The following FNDC3A variants were observed in gnomAD, a reference collection of about 807,000 sequenced individuals.
The protein encoded by FNDC3A is fibronectin type-III domain-containing protein 3A.
Under a neutral mutation model 148.9 loss-of-function variants are expected in FNDC3A, and 32 were observed. The observed-to-expected ratio is 0.21, with a 90% CI of 0.16 to 0.29. The LOEUF (loss-of-function observed/expected upper bound fraction) is 0.29, where lower values mean the gene tolerates loss of function less well. Ranked by LOEUF, FNDC3A falls within the 10% of genes least tolerant of loss-of-function variation. The pLI is 1.00. For synonymous variants in FNDC3A, 472 were observed against 473.6 expected (o/e 1.00, Z 0.04); for missense variants, 1,191 against 1,452.8 (o/e 0.82, Z 2.93).
intron 8 of FNDC3A, among the ~76,000 whole-genome samples, chr13:49,158,330 C>T (rs1034119230): frequency 1.3e-5 from 2 of 152,240 alleles, no homozygotes; most frequent in Non-Finnish European, 2.9e-5. Flanking sequence ...AGGGAACTCC[C>T]TGACCCCTTG....
intron 2 of FNDC3A, among the ~76,000 whole-genome samples, chr13:49,023,479 T>C (rs577584765): frequency 9.9e-5 from 15 of 151,752 alleles, no homozygotes; most frequent in South Asian, 2.1e-4. Context: ...AAAACTGTTA[T>C]GAAAGAGAAT....
chr13:49,195,048 C>T lies in FNDC3A; in HGVS notation c.2227-1829C>T, dbSNP rs116920161. ...GTGCAGATTTGTCTGTATTTTCTCACCATATCAAATAATACTTTTATTATA... is the reference window on the plus strand; with the variant it reads ...GTGCAGATTTGTCTGTATTTTCTCATCATATCAAATAATACTTTTATTATA... On this transcript the variant is annotated intron_variant, in intron 19 of 25. Transcript: ENST00000492622. Among the ~76,000 whole-genome samples the T allele has an allele frequency of 7.6e-3, 1,150 of 152,160 alleles. 11 individuals are homozygous for T. Among genetic ancestry groups the T allele is most frequent in the Non-Finnish European group, 0.01 (681 of 67,980 alleles).
At chr13:49,021,321 C>T (rs988607819) in intron 2 of FNDC3A, among the ~76,000 whole-genome samples, 5 of 152,192 alleles carry the variant, frequency 3.3e-5, no homozygotes, top group Non-Finnish European at 5.9e-5. Context: ...GTTAAACCAA[C>T]TGCCACTGAT....
Position 49,198,622 on chromosome 13 carries a change from A to G in FNDC3A, c.2987+48A>G, listed in dbSNP as rs560801784. ...TTATATAGTTTCTTAGGTCTTAAGT[A>G]TATACATTTCTGTAACTATTAGAAG... On this transcript the variant is annotated intron_variant, in intron 23 of 25. Transcript: ENST00000492622. 53 of 1,427,036 alleles carry G rather than the reference A, an allele frequency of 3.7e-5. 1 individual carries two copies. The East Asian group carries it at 6.4e-4, about 17-fold the overall frequency. The allele number at this position is 1,427,036 out of a possible 1,614,324, so 88.4% of individuals were successfully genotyped here. A position where few individuals can be genotyped will look rare whatever the true frequency, so the allele number is the denominator to read the frequency against.
chr13:49,027,750 A>T (rs535311716), intron 2 of FNDC3A, among the ~76,000 whole-genome samples: 2 of 152,286 alleles, frequency 1.3e-5, no homozygotes, highest in South Asian at 4.1e-4. Context: ...ACATCAGAAC[A>T]TATTTAACAT....
intron 2 of FNDC3A, among the ~76,000 whole-genome samples, chr13:49,019,196 C>T (rs1259733737): frequency 6.6e-6 from 1 of 152,224 alleles, no homozygotes; most frequent in African/African-American, 2.4e-5. Context: ...CGCCCCTCCC[C>T]CAGCCTCGCT....
intron 2 of FNDC3A, among the ~76,000 whole-genome samples, chr13:49,030,718 A>G (rs1314132598): frequency 1.3e-5 from 2 of 152,244 alleles, no homozygotes; most frequent in East Asian, 1.9e-4. Context: ...TATACGGGCA[A>G]TGAACAATCT....
chr13:49,155,105 C>G (rs1418790620), intron 8 of FNDC3A, among the ~76,000 whole-genome samples: 30 of 144,482 alleles, frequency 2.1e-4, no homozygotes, highest in African/African-American at 5.7e-4. Context: ...ACCAGTTCCT[C>G]CTTGTACCTC....
chr13:49,047,254 G>A (rs142140900), intron 2 of FNDC3A, among the ~76,000 whole-genome samples: 96 of 151,746 alleles, frequency 6.3e-4, no homozygotes, highest in African/African-American at 2.0e-3. Context: ...TATTTTTGCA[G>A]TTGCGAATTG....
In FNDC3A at chr13:49,142,856, A is replaced by C. The variant is rs533925156; in HGVS notation, c.820-2922A>C. ...TGTGACTTAACATATAAGTGCAAGT[A>C]ATAAGATAGCTTTTTCTTTTTGAGA... On this transcript the variant is annotated intron_variant, in intron 7 of 25. Coordinates refer to ENST00000492622, the MANE Select transcript of FNDC3A (RefSeq NM_001079673.2). Among the ~76,000 whole-genome samples the C allele has an allele frequency of 4.6e-5, 7 of 152,252 alleles. No homozygotes were observed. The East Asian group carries it at 1.4e-3, about 29-fold the overall frequency.
chr13:49,201,260 C>T (rs779631646), intron 23 of FNDC3A: 1 of 170,996 alleles, frequency 5.8e-6, no homozygotes, highest in South Asian at 1.2e-4. Context: ...TATTATCATA[C>T]TGCTTTTGTA....
intron 7 of FNDC3A, among the ~76,000 whole-genome samples, chr13:49,140,676 A>G (rs1882638863): frequency 6.6e-6 from 1 of 152,196 alleles, no homozygotes. Flanking sequence ...TTTACCGCTT[A>G]CAAAGTGACA....
At chr13:49,029,901 G>A (rs933591244) in intron 2 of FNDC3A, among the ~76,000 whole-genome samples, 2 of 151,924 alleles carry the variant, frequency 1.3e-5, no homozygotes, top group African/African-American at 4.8e-5. Context: ...AACCAAAACC[G>A]AATCAAGAAA....
chr13:49,176,350 G>C (rs1265397852), intron 13 of FNDC3A, among the ~76,000 whole-genome samples: 1 of 152,006 alleles, frequency 6.6e-6, no homozygotes, highest in Non-Finnish European at 1.5e-5. Flanking sequence ...GGCTATGCTG[G>C]AAACCATTAT....
intron 8 of FNDC3A, among the ~76,000 whole-genome samples, chr13:49,160,444 T>C (rs943558437): frequency 4.6e-5 from 7 of 152,226 alleles, no homozygotes; most frequent in African/African-American, 1.7e-4. Context: ...AGTTTGTATT[T>C]CTGTGGGATT....
At chr13:49,122,923 C>T (rs1477091226) in intron 4 of FNDC3A, among the ~76,000 whole-genome samples, 2 of 152,170 alleles carry the variant, frequency 1.3e-5, no homozygotes, top group Non-Finnish European at 2.9e-5. Context: ...GCCATACTGC[C>T]CAAAGTAATT....
chr13:49,152,441 T>C (rs1275056514), intron 8 of FNDC3A, among the ~76,000 whole-genome samples: 1 of 152,224 alleles, frequency 6.6e-6, no homozygotes, highest in Non-Finnish European at 1.5e-5. Flanking sequence ...CTTATAAATT[T>C]GTTTTAAGTT....
intron 4 of FNDC3A, among the ~76,000 whole-genome samples, chr13:49,124,454 A>G (rs375954485): frequency 6.6e-6 from 1 of 152,032 alleles, no homozygotes; most frequent in Middle Eastern, 3.4e-3. Flanking sequence ...ACAAACCTAC[A>G]TGTTTGGCAC....
chr13:49,091,716 G>C (rs1204037661), intron 3 of FNDC3A, among the ~76,000 whole-genome samples: 1 of 152,226 alleles, frequency 6.6e-6, no homozygotes, highest in Non-Finnish European at 1.5e-5. Flanking sequence ...CTCTCCATGA[G>C]GCCATAGGTG....
Sources: gnomAD v4.1 joint callset for allele counts (sites outside exome capture counted in the v4.1 genomes callset) on GRCh38, gnomAD v4.1.1 for gene constraint, MANE v1.5 for transcripts, NCBI Gene and HGNC (gene_info 2026-07-23, HGNC 2026-07-21) for gene names.